CTNNA3: variants seen among roughly 807,000 people sequenced by gnomAD.
The protein encoded by CTNNA3 is catenin alpha 3, also known as catenin alpha-3.
In CTNNA3, 76 loss-of-function variants were observed where a neutral mutation model predicts 95.7. That is an observed-to-expected ratio of 0.79 (90% CI 0.66 to 0.96). The LOEUF (loss-of-function observed/expected upper bound fraction) is 0.96, where lower values mean the gene tolerates loss of function less well. Among genes scored for constraint, CTNNA3 ranks in the 40% least tolerant of loss-of-function variants. CTNNA3 has a pLI of 0.00. For missense variants in CTNNA3, 1,191 were observed against 1,089.8 expected (o/e 1.09, Z -1.31); for synonymous variants, 431 against 374.4 (o/e 1.15, Z -1.74).
At chr10:66,925,778 G>A in intron 7 of CTNNA3, 1 of 292,222 alleles carries the variant, frequency 3.4e-6, no homozygotes, top group South Asian at 2.8e-5. Flanking sequence ...GGCAGCACAT[G>A]TTTAGCAATT....
chr10:67,101,678 T>C (rs1858350981), intron 7 of CTNNA3, among the ~76,000 whole-genome samples: 1 of 151,772 alleles, frequency 6.6e-6, no homozygotes. Context: ...TCAAGACTAA[T>C]CACATAATCC....
intron 7 of CTNNA3, among the ~76,000 whole-genome samples, chr10:67,015,100 A>T (rs896316480): frequency 2.0e-4 from 30 of 152,256 alleles, no homozygotes; most frequent in Non-Finnish European, 1.5e-5. Context: ...CTATTTCAAC[A>T]TTAGGTAGTA....
chr10:66,025,891 G>T (rs2133441725), intron 15 of CTNNA3, among the ~76,000 whole-genome samples: 1 of 152,204 alleles, frequency 6.6e-6, no homozygotes, highest in Admixed American at 6.5e-5. Context: ...TACATGACCA[G>T]GCCAAATATT....
chr10:66,978,526 C>CA (rs1170594360), intron 7 of CTNNA3, among the ~76,000 whole-genome samples: 1,480 of 42,300 alleles, frequency 0.035, 185 homozygotes, highest in African/African-American at 0.061. Context: ...GACTCCATCT[C>CA]AAAAAAAAAA....
intron 12 of CTNNA3, among the ~76,000 whole-genome samples, chr10:66,312,119 A>G (rs889049735): frequency 6.6e-6 from 1 of 152,182 alleles, no homozygotes; most frequent in Non-Finnish European, 1.5e-5. Flanking sequence ...ATTTTCATCT[A>G]ATTAATTGAA....
intron 10 of CTNNA3, among the ~76,000 whole-genome samples, chr10:66,586,099 C>T (rs1361890541): frequency 2.0e-5 from 3 of 151,952 alleles, no homozygotes; most frequent in Non-Finnish European, 4.4e-5. Context: ...TGGCAGTGGG[C>T]TGGGTGTGTG....
At chr10:66,818,252 T>C (rs1842165465) in intron 7 of CTNNA3, among the ~76,000 whole-genome samples, 1 of 152,160 alleles carries the variant, frequency 6.6e-6, no homozygotes. Context: ...CTCATCACTT[T>C]GACTTAACAT....
At chr10:66,798,247 AT>A (rs1841289914) in intron 7 of CTNNA3, among the ~76,000 whole-genome samples, 1 of 151,880 alleles carries the variant, frequency 6.6e-6, no homozygotes, top group Non-Finnish European at 1.5e-5. Flanking sequence ...ATGGAAACAT[AT>A]TTTAAGTTGA....
intron 7 of CTNNA3, among the ~76,000 whole-genome samples, chr10:67,104,933 C>A (rs1341704458): frequency 6.6e-6 from 1 of 151,922 alleles, no homozygotes; most frequent in Middle Eastern, 3.2e-3. Context: ...GGCACCATTA[C>A]CACCATACAG....
rs12413036 is a variant in CTNNA3 at position 67,448,523 on chromosome 10, T to C, written c.579+73319A>G. 2.5e-3 allele frequency among the ~76,000 whole-genome samples: 378 copies of C among 152,054 alleles called. 5 individuals carry two copies. The highest frequency in any genetic ancestry group is 0.021 in the Admixed American group (328 of 15,284). On this transcript the variant is annotated intron_variant, in intron 5 of 17. Transcript: ENST00000433211. ...TAAAATAGAAAGAACTTATTCATGA[T>C]TTAAAAAACTCCTAATCAAAGAAGA...
intron 14 of CTNNA3, among the ~76,000 whole-genome samples, chr10:66,081,848 G>A (rs1353628296): frequency 6.6e-6 from 1 of 152,170 alleles, no homozygotes; most frequent in Non-Finnish European, 1.5e-5. Context: ...TGGGTGCAGT[G>A]GCTCACGCCT....
At chr10:66,031,741 T>C (rs1397255638) in intron 15 of CTNNA3, among the ~76,000 whole-genome samples, 1 of 152,132 alleles carries the variant, frequency 6.6e-6, no homozygotes, top group Non-Finnish European at 1.5e-5. Context: ...TAATTATGAT[T>C]ATAAAATAAC....
chr10:67,525,049 T>G (rs1840100361), intron 4 of CTNNA3, among the ~76,000 whole-genome samples: 1 of 152,168 alleles, frequency 6.6e-6, no homozygotes, highest in South Asian at 2.1e-4. Flanking sequence ...CACAATTAAT[T>G]GAAGAGATTT....
chr10:67,317,995 TA>T (rs1358636668), intron 5 of CTNNA3, among the ~76,000 whole-genome samples: 1 of 138,528 alleles, frequency 7.2e-6, no homozygotes, highest in African/African-American at 2.5e-5. Flanking sequence ...AGGGATGGCT[TA>T]ACAGGCAATG....
At chr10:67,464,723 A>T (rs896632670) in intron 5 of CTNNA3, among the ~76,000 whole-genome samples, 3 of 152,198 alleles carry the variant, frequency 2.0e-5, no homozygotes, top group Admixed American at 6.5e-5. Context: ...GATTCTATAA[A>T]GAAAAAGGAC....
intron 13 of CTNNA3, among the ~76,000 whole-genome samples, chr10:66,119,396 C>A (rs1321480849): frequency 1.3e-5 from 2 of 152,172 alleles, no homozygotes; most frequent in East Asian, 3.8e-4. Context: ...ACCCTACAAG[C>A]TGTTCCTATT....
intron 7 of CTNNA3, among the ~76,000 whole-genome samples, chr10:67,065,612 G>A (rs1478285818): frequency 6.6e-6 from 1 of 152,048 alleles, no homozygotes; most frequent in Non-Finnish European, 1.5e-5. Flanking sequence ...AGGAAGTGGT[G>A]GGATATTTCC....
chr10:67,364,856 T>A (rs546960928), intron 5 of CTNNA3, among the ~76,000 whole-genome samples: 4 of 152,196 alleles, frequency 2.6e-5, no homozygotes, highest in Non-Finnish European at 5.9e-5. Flanking sequence ...ACTTTCTTCA[T>A]AGAATTGGAA....
intron 5 of CTNNA3, among the ~76,000 whole-genome samples, chr10:67,477,598 C>A (rs1415405819): frequency 6.6e-6 from 1 of 152,140 alleles, no homozygotes; most frequent in African/African-American, 2.4e-5. Flanking sequence ...AAAAGACTAC[C>A]CATCATTGTC....
Sources: gnomAD v4.1 joint callset for allele counts (sites outside exome capture counted in the v4.1 genomes callset) on GRCh38, gnomAD v4.1.1 for gene constraint, MANE v1.5 for transcripts, NCBI Gene and HGNC (gene_info 2026-07-23, HGNC 2026-07-21) for gene names.